NLGN4X: variants seen among roughly 807,000 people sequenced by gnomAD.
NLGN4X encodes neuroligin-4, X-linked.
Under a neutral mutation model 40.3 loss-of-function variants are expected in NLGN4X, and 3 were observed. The ratio of observed to expected loss-of-function variants is 0.07; its 90% CI spans 0.03 to 0.19. The LOEUF is 0.19. NLGN4X is among the 10% of genes least tolerant of loss of function. NLGN4X has a pLI of 1.00. For missense variants in NLGN4X, 382 were observed against 708.3 expected (o/e 0.54, Z 5.23); for synonymous variants, 270 against 306.8 (o/e 0.88, Z 1.25).
At chrX:6,149,424 T>C (rs1227468764) in intron 2 of NLGN4X, among the ~76,000 whole-genome samples, 3 of 112,180 alleles carry the variant, frequency 2.7e-5, no homozygotes, top group African/African-American at 6.5e-5. Context: ...CATTTTTGTC[T>C]TCCTTTCTTT....
chrX:5,973,631 G>A (rs1398763838), intron 3 of NLGN4X, among the ~76,000 whole-genome samples: 1 of 111,237 alleles, frequency 9.0e-6, no homozygotes, highest in Non-Finnish European at 1.9e-5. Context: ...GACCATCCTG[G>A]CTACCACGGC....
intron 3 of NLGN4X, among the ~76,000 whole-genome samples, chrX:6,012,738 G>A (rs1406248491): frequency 1.8e-5 from 2 of 111,193 alleles, no homozygotes; most frequent in African/African-American, 6.5e-5. Context: ...ATACAATAGA[G>A]GGAAGACAGC....
At chrX:5,916,004 A>G (rs896743793) in intron 3 of NLGN4X, among the ~76,000 whole-genome samples, 15 of 111,549 alleles carry the variant, frequency 1.3e-4, no homozygotes, top group African/African-American at 4.9e-4. Flanking sequence ...GATGAGAACT[A>G]CAGTTCCCCA....
intron 3 of NLGN4X, among the ~76,000 whole-genome samples, chrX:6,008,263 C>A (rs1372541486): frequency 8.9e-6 from 1 of 111,976 alleles, no homozygotes; most frequent in Non-Finnish European, 1.9e-5. Flanking sequence ...CTCTTCCAAG[C>A]ACCAGCAACC....
At chrX:6,008,552 T>C (rs4630012) in intron 3 of NLGN4X, among the ~76,000 whole-genome samples, 11,177 of 111,420 alleles carry the variant, frequency 0.1, 1,084 homozygotes, top group African/African-American at 0.3. Context: ...GTTACTTTAT[T>C]TTCTACCACT....
chrX:5,903,096 T>C lies in NLGN4X; in HGVS notation c.1582A>G (p.Thr528Ala). The C allele has an allele frequency of 8.3e-7, 1 of 1,211,958 alleles. No homozygotes were observed. The highest frequency in any genetic ancestry group is 1.1e-6 in the Non-Finnish European group (1 of 895,551). Residue 528 changes from threonine to alanine, a missense_variant, in exon 5 of 6, where the codon ACG (threonine) becomes GCG (alanine). Transcript: ENST00000381095. ...MLSAVVMTYW[T>A]NFAKTGDPNQ... ...ACGTACCCAGTTTTGGCGAAGTTCG[T>C]CCAGTAGGTCATGACCACGGCGCTG...
chrX:5,999,646 A>G (rs770716008), intron 3 of NLGN4X, among the ~76,000 whole-genome samples: 2 of 112,490 alleles, frequency 1.8e-5, no homozygotes, highest in African/African-American at 6.5e-5. Context: ...AAACGATGAG[A>G]TATCTTTTGT....
intron 2 of NLGN4X, among the ~76,000 whole-genome samples, chrX:6,088,558 T>C (rs1394908991): frequency 2.7e-5 from 3 of 111,987 alleles, no homozygotes; most frequent in Admixed American, 1.9e-4. Context: ...CAAATCTCTA[T>C]CACCATTTTA....
intron 2 of NLGN4X, among the ~76,000 whole-genome samples, chrX:6,109,702 C>T (rs1396036808): frequency 1.8e-5 from 2 of 111,964 alleles, no homozygotes; most frequent in East Asian, 2.8e-4. Flanking sequence ...GCATTGATCA[C>T]ATGCATTTGG....
intron 3 of NLGN4X, among the ~76,000 whole-genome samples, chrX:5,988,791 G>A (rs746735991): frequency 8.9e-6 from 1 of 112,265 alleles, no homozygotes; most frequent in Admixed American, 9.4e-5. Context: ...GAGGCTGGGC[G>A]CATTGGCTCC....
chrX:5,901,256 A>C (rs2146720884), intron 5 of NLGN4X, among the ~76,000 whole-genome samples: 1 of 112,313 alleles, frequency 8.9e-6, no homozygotes. Flanking sequence ...CAGCATCCCC[A>C]GATCTTCTAA....
At chrX:5,953,556 T>A (rs777618190) in intron 3 of NLGN4X, among the ~76,000 whole-genome samples, 2 of 111,988 alleles carry the variant, frequency 1.8e-5, no homozygotes, top group Non-Finnish European at 3.8e-5. Flanking sequence ...TGTATGCCTG[T>A]AGGAAAACAC....
intron 1 of NLGN4X, among the ~76,000 whole-genome samples, chrX:6,210,312 A>ACC (rs764353462): frequency 1.0e-4 from 11 of 107,920 alleles, no homozygotes; most frequent in Non-Finnish European, 1.7e-4. Flanking sequence ...ACCTTCTGAC[A>ACC]CCCCTCTATC....
intron 2 of NLGN4X, among the ~76,000 whole-genome samples, chrX:6,123,973 T>A (rs2147590734): frequency 9.0e-6 from 1 of 110,889 alleles, no homozygotes; most frequent in East Asian, 2.8e-4. Flanking sequence ...ATTAAAATAC[T>A]TTTAGCAACA....
At chrX:6,198,832 C>A (rs1406194815) in intron 1 of NLGN4X, among the ~76,000 whole-genome samples, 1 of 111,566 alleles carries the variant, frequency 9.0e-6, no homozygotes, top group Non-Finnish European at 1.9e-5. Context: ...AAGGTTCTGA[C>A]AACACTGATG....
At chrX:6,099,853 T>C (rs1198377423) in intron 2 of NLGN4X, among the ~76,000 whole-genome samples, 14 of 111,589 alleles carry the variant, frequency 1.3e-4, no homozygotes, top group African/African-American at 4.6e-4. Context: ...CAGTAGAAAA[T>C]GTCTTTATAG....
chrX:6,111,696 T>C (rs962900048), intron 2 of NLGN4X, among the ~76,000 whole-genome samples: 1 of 111,212 alleles, frequency 9.0e-6, no homozygotes, highest in African/African-American at 3.3e-5. Flanking sequence ...CAGTGAACCA[T>C]GATCAAGCCA....
intron 2 of NLGN4X, among the ~76,000 whole-genome samples, chrX:6,060,772 A>G (rs1420811709): frequency 8.9e-6 from 1 of 111,950 alleles, no homozygotes; most frequent in Non-Finnish European, 1.9e-5. Context: ...TCCTCTTTTC[A>G]TAAGAGAATA....
rs1247797240 is a variant in NLGN4X, at chrX:5,890,577, T to A, written c.*2240A>T. On this transcript the variant is annotated 3_prime_UTR_variant, in exon 6 of 6. Transcript: ENST00000381095. ...TGCCACACATAACTTCCTTTGTAGTTTCACAGAGAGCCTATTTGTGGTTGC... is the reference window on the plus strand; with the variant it reads ...TGCCACACATAACTTCCTTTGTAGTATCACAGAGAGCCTATTTGTGGTTGC... 1 of 325,815 alleles carries A rather than the reference T, an allele frequency of 3.1e-6. No individual in the cohort carries two copies. The highest frequency in any genetic ancestry group is 5.9e-6 in the Non-Finnish European group (1 of 169,156). The allele number at this position is 325,815 out of a possible 1,213,427, so 26.9% of individuals were successfully genotyped here. A position where few individuals can be genotyped will look rare whatever the true frequency, so the allele number is the denominator to read the frequency against.
Sources: allele counts gnomAD v4.1 joint callset (sites outside exome capture counted in the v4.1 genomes callset), GRCh38; gene constraint gnomAD v4.1.1; transcripts MANE v1.5; gene names NCBI Gene and HGNC (gene_info 2026-07-23, HGNC 2026-07-21).